Variants in TMED3 observed in about 807,000 individuals in gnomAD.
The protein encoded by TMED3 is transmembrane emp24 domain-containing protein 3.
A neutral mutation model predicts 15.0 loss-of-function variants in TMED3; 9 were observed. That is an observed-to-expected ratio of 0.60 (90% CI 0.36 to 1.04). The LOEUF (loss-of-function observed/expected upper bound fraction) is 1.04. Ranked by LOEUF, TMED3 falls within the 50% of genes least tolerant of loss-of-function variation. TMED3 has a pLI of 0.01. For missense variants in TMED3, 267 were observed against 278.9 expected (o/e 0.96, Z 0.30); for synonymous variants, 117 against 121.4 (o/e 0.96, Z 0.24).
chr15:79,364,693 T>C (rs1175063423), intron 2 of TMED3, among the ~76,000 whole-genome samples: 2 of 151,552 alleles, frequency 1.3e-5, no homozygotes, highest in East Asian at 3.9e-4. Context: ...AGAGGAGGAA[T>C]GTCTGAACAC....
chr15:79,391,152 C>T (rs1190018329), intron 2 of TMED3, among the ~76,000 whole-genome samples: 1 of 151,260 alleles, frequency 6.6e-6, no homozygotes, highest in East Asian at 1.9e-4. Context: ...TCTTGTTTCT[C>T]TAGTTTCTTC....
intron 2 of TMED3, among the ~76,000 whole-genome samples, chr15:79,349,305 G>A (rs2058882769): frequency 6.6e-6 from 1 of 152,018 alleles, no homozygotes; most frequent in African/African-American, 2.4e-5. Flanking sequence ...AACATCATAT[G>A]GTGCATGATA....
intron 2 of TMED3, among the ~76,000 whole-genome samples, chr15:79,350,755 A>C (rs1277786475): frequency 6.6e-6 from 1 of 152,128 alleles, no homozygotes; most frequent in African/African-American, 2.4e-5. Context: ...CTCAATATTA[A>C]CCATCACAAT....
intron 2 of TMED3, among the ~76,000 whole-genome samples, chr15:79,398,895 A>G (rs1567040199): frequency 6.6e-6 from 1 of 152,166 alleles, no homozygotes; most frequent in African/African-American, 2.4e-5. Context: ...CTACCAATTT[A>G]AATGTTTTTT....
intron 1 of TMED3, among the ~76,000 whole-genome samples, chr15:79,312,056 C>T (rs1322599199): frequency 6.6e-6 from 1 of 152,174 alleles, no homozygotes; most frequent in Non-Finnish European, 1.5e-5. Flanking sequence ...GATCCCGTGG[C>T]CCACAGGTGA....
intron 2 of TMED3, among the ~76,000 whole-genome samples, chr15:79,316,804 G>C (rs554195506): frequency 1.3e-5 from 2 of 152,262 alleles, no homozygotes; most frequent in South Asian, 2.1e-4. Context: ...CTGGGGACTC[G>C]TGGCCTGGAA....
At chr15:79,311,837 C>G (rs1004798072) in intron 1 of TMED3, among the ~76,000 whole-genome samples, 1 of 152,162 alleles carries the variant, frequency 6.6e-6, no homozygotes, top group Non-Finnish European at 1.5e-5. Flanking sequence ...GAAGTGGGCT[C>G]ATAGTTTTAG....
chr15:79,357,393 T>C (rs1192240607), intron 2 of TMED3, among the ~76,000 whole-genome samples: 1 of 138,164 alleles, frequency 7.2e-6, no homozygotes, highest in Non-Finnish European at 1.5e-5. Context: ...GCTGAGGCAG[T>C]AGGATTGCTT....
chr15:79,322,236 C>A lies in TMED3; in HGVS notation c.*22C>A, dbSNP rs1049786756. On this transcript the variant is annotated 3_prime_UTR_variant, in exon 3 of 3. Transcript: ENST00000299705. Reference sequence around the variant, plus strand: ...CTAGCCCCGGCATCCTGCTCTAGGGCCCCTCATGCCCCAGGCTGGAGCAGC... The same window carrying A: ...CTAGCCCCGGCATCCTGCTCTAGGGACCCTCATGCCCCAGGCTGGAGCAGC... 7 of 1,599,346 alleles carry A rather than the reference C, an allele frequency of 4.4e-6. No homozygotes were observed. The highest frequency in any genetic ancestry group is 1.7e-4 in the Middle Eastern group (1 of 5,814).
intron 2 of TMED3, among the ~76,000 whole-genome samples, 163 bp from the exon 3 acceptor site, chr15:79,321,815 C>T (rs1364777592): frequency 1.3e-5 from 2 of 152,214 alleles, no homozygotes; most frequent in African/African-American, 4.8e-5. Flanking sequence ...TTCAATTAGG[C>T]TTGTTGTGAG....
chr15:79,385,963 CCA>C (rs762621429), intron 2 of TMED3, among the ~76,000 whole-genome samples: 28 of 152,182 alleles, frequency 1.8e-4, no homozygotes, highest in Non-Finnish European at 8.8e-5. Context: ...CCACCAGAAT[CCA>C]CAGTCTTCAT....
chr15:79,329,249 A>C (rs1211047681), intron 2 of TMED3, among the ~76,000 whole-genome samples: 1 of 152,218 alleles, frequency 6.6e-6, no homozygotes, highest in Non-Finnish European at 1.5e-5. Flanking sequence ...CTCAATACAC[A>C]TCACCAGACC....
intron 2 of TMED3, among the ~76,000 whole-genome samples, chr15:79,372,893 T>C (rs1316913852): frequency 6.6e-6 from 1 of 152,220 alleles, no homozygotes; most frequent in Non-Finnish European, 1.5e-5. Context: ...AATGTGTTCC[T>C]GTCTTTTCAA....
intron 2 of TMED3, among the ~76,000 whole-genome samples, chr15:79,387,703 C>T (rs976381560): frequency 6.6e-6 from 1 of 152,088 alleles, no homozygotes; most frequent in Non-Finnish European, 1.5e-5. Flanking sequence ...GGAGAAATGA[C>T]ATCTTTGCAA....
intron 2 of TMED3, among the ~76,000 whole-genome samples, chr15:79,364,320 T>G (rs922044535): frequency 1.3e-5 from 2 of 152,130 alleles, no homozygotes. Flanking sequence ...AGTTCCCTTA[T>G]ATGCATAAAA....
At chr15:79,410,207 T>C (rs1220015520) in intron 2 of TMED3, among the ~76,000 whole-genome samples, 2 of 152,226 alleles carry the variant, frequency 1.3e-5, no homozygotes, top group East Asian at 3.8e-4. Context: ...TTTATAGTGT[T>C]CCCTTTCTTT....
At chr15:79,367,682 A>T (rs1893262017) in intron 2 of TMED3, among the ~76,000 whole-genome samples, 2 of 152,214 alleles carry the variant, frequency 1.3e-5, no homozygotes, top group South Asian at 4.1e-4. Flanking sequence ...AGGCTGTTGG[A>T]CAACCCGATG....
At chr15:79,380,565 TTACATATATATAGTTTTA>T (rs1441046193) in intron 2 of TMED3, among the ~76,000 whole-genome samples, 2 of 143,556 alleles carry the variant, frequency 1.4e-5, no homozygotes, top group Admixed American at 7.1e-5. Flanking sequence ...ATATATGTAG[TTACATATATATAGTTTTA>T]TATATATATA....
chr15:79,319,552 G>A (rs1223208872), intron 2 of TMED3, among the ~76,000 whole-genome samples: 1 of 152,190 alleles, frequency 6.6e-6, no homozygotes, highest in African/African-American at 2.4e-5. Context: ...CCTATGTGTG[G>A]AGACGAGAGA....
Sources: allele counts gnomAD v4.1 joint callset (sites outside exome capture counted in the v4.1 genomes callset), GRCh38; gene constraint gnomAD v4.1.1; transcripts MANE v1.5; gene names NCBI Gene and HGNC (gene_info 2026-07-23, HGNC 2026-07-21).